DOCK3: variants seen among roughly 807,000 people sequenced by gnomAD.
The protein encoded by DOCK3 is dedicator of cytokinesis protein 3.
In DOCK3, 60 loss-of-function variants were observed where a neutral mutation model predicts 265.6. The ratio of observed to expected loss-of-function variants is 0.23; its 90% CI spans 0.18 to 0.28. DOCK3 has a LOEUF of 0.28. Ranked by LOEUF, DOCK3 falls within the 10% of genes least tolerant of loss-of-function variation. The probability of loss-of-function intolerance (pLI) is 1.00; values close to 1 mark genes in which losing one functional copy is unlikely to be tolerated. For synonymous variants in DOCK3, 881 were observed against 938.0 expected (o/e 0.94, Z 1.11); for missense variants, 1,981 against 2,594.3 (o/e 0.76, Z 5.14).
At chr3:50,913,623 C>G (rs1386930684) in intron 4 of DOCK3, among the ~76,000 whole-genome samples, 1 of 152,124 alleles carries the variant, frequency 6.6e-6, no homozygotes, top group Non-Finnish European at 1.5e-5. Flanking sequence ...CACCTTCCAA[C>G]CACTGGAATT....
intron 1 of DOCK3, among the ~76,000 whole-genome samples, chr3:50,739,217 C>G (rs559269911): frequency 6.6e-6 from 1 of 152,276 alleles, no homozygotes; most frequent in East Asian, 1.9e-4. Context: ...CTTAACTACT[C>G]TTTATATACC....
intron 10 of DOCK3, among the ~76,000 whole-genome samples, chr3:51,147,268 T>C (rs2085341449): frequency 1.3e-5 from 2 of 152,242 alleles, no homozygotes; most frequent in Non-Finnish European, 2.9e-5. Flanking sequence ...GTTAGTGAGT[T>C]CATATACAGC....
intron 3 of DOCK3, among the ~76,000 whole-genome samples, chr3:50,889,069 GTGTGTGTGTGT>G (rs2048503370): frequency 5.3e-5 from 2 of 37,902 alleles, no homozygotes; most frequent in Admixed American, 3.3e-4. Flanking sequence ...AGCCATGGGT[GTGTGTGTGTGT>G]GTGTGTGTGT....
chr3:50,925,030 T>C (rs758298661), intron 4 of DOCK3, among the ~76,000 whole-genome samples: 11 of 152,212 alleles, frequency 7.2e-5, no homozygotes, highest in Non-Finnish European at 1.3e-4. Context: ...GCTCAGACTT[T>C]CCTAAGTTAT....
At chr3:51,357,658 G>A in intron 44 of DOCK3, 100 bp from the exon 45 acceptor site, 3 of 1,140,442 alleles carry the variant, frequency 2.6e-6, no homozygotes, top group Non-Finnish European at 3.9e-6. Flanking sequence ...GAGACAGCCT[G>A]GCTGCTTTTT....
In DOCK3 at chr3:51,382,357, G is replaced by C. The variant is rs2088704023; in HGVS notation, c.*798G>C. ...GCAAGGGTTATCTCCCGCCCTCTGG[G>C]GTTTGAGTGGAGGTATGGAGCCAGA... is the stretch of plus-strand genomic sequence containing the variant. On this transcript the variant is annotated 3_prime_UTR_variant, in exon 53 of 53. Transcript: ENST00000266037. 1 of 152,526 alleles carries C rather than the reference G, an allele frequency of 6.6e-6. No individual in the cohort carries two copies. Among genetic ancestry groups the C allele is most frequent in the South Asian group, 2.1e-4 (1 of 4,832 alleles). The allele number at this position is 152,526 out of a possible 1,614,324, so 9.4% of individuals were successfully genotyped here.
intron 19 of DOCK3, among the ~76,000 whole-genome samples, chr3:51,230,209 A>C (rs1047763027): frequency 2.0e-4 from 31 of 152,206 alleles, no homozygotes; most frequent in African/African-American, 7.5e-4. Flanking sequence ...TTTGAGATAC[A>C]AATGATCTGA....
chr3:50,925,824 CTTTTTTTTTTTT>C (rs368819970), intron 4 of DOCK3, among the ~76,000 whole-genome samples: 9 of 88,424 alleles, frequency 1.0e-4, no homozygotes, highest in Non-Finnish European at 2.0e-4. Flanking sequence ...TAAAACTAGT[CTTTTTTTTTTTT>C]TTTTTTTTTT....
rs1553618139 is a variant in DOCK3, at chr3:51,380,212, T to C, written c.5583+5T>C. On this transcript the variant is annotated splice_donor_5th_base_variant and intron_variant, in intron 52 of 52. Coordinates refer to ENST00000266037, the MANE Select transcript of DOCK3 (RefSeq NM_004947.5). ...CCTGCCCGGACCCTGCGCAAGGTAA[T>C]GTACTGAAGCGGCAGCCCCACCAGG... 2.9e-6 allele frequency: 4 copies of C among 1,398,772 alleles called. No homozygotes were observed. The highest frequency in any genetic ancestry group is 1.8e-5 in the Admixed American group (1 of 55,968). The allele number at this position is 1,398,772 out of a possible 1,614,324, so 86.6% of individuals were successfully genotyped here. A position where few individuals can be genotyped will look rare whatever the true frequency, so the allele number is the denominator to read the frequency against.
At chr3:51,119,967 A>G (rs941014161) in intron 9 of DOCK3, among the ~76,000 whole-genome samples, 1 of 151,940 alleles carries the variant, frequency 6.6e-6, no homozygotes, top group African/African-American at 2.4e-5. Context: ...ACTTCTGTCA[A>G]TTCATCAGAC....
At chr3:51,186,128 A>G (rs2087585252) in intron 12 of DOCK3, among the ~76,000 whole-genome samples, 1 of 152,212 alleles carries the variant, frequency 6.6e-6, no homozygotes, top group Non-Finnish European at 1.5e-5. Context: ...CTTCCTGTAG[A>G]CTTGTTGAAT....
chr3:51,099,059 GT>G (rs1247261507), intron 9 of DOCK3, among the ~76,000 whole-genome samples: 1 of 152,172 alleles, frequency 6.6e-6, no homozygotes, highest in Non-Finnish European at 1.5e-5. Flanking sequence ...GCCCTGCTAA[GT>G]TTTTCATCAG....
intron 1 of DOCK3, among the ~76,000 whole-genome samples, chr3:50,681,416 T>C (rs2034402651): frequency 6.6e-6 from 1 of 152,202 alleles, no homozygotes; most frequent in East Asian, 1.9e-4. Flanking sequence ...ATTCCCAACA[T>C]GTAAGCATTA....
intron 1 of DOCK3, among the ~76,000 whole-genome samples, chr3:50,724,103 A>C (rs915322904): frequency 1.3e-5 from 2 of 152,248 alleles, no homozygotes; most frequent in Non-Finnish European, 2.9e-5. Flanking sequence ...AATCCTCATC[A>C]TCACTGGTCA....
At chr3:51,190,654 C>T (rs372201497) in intron 12 of DOCK3, among the ~76,000 whole-genome samples, 1 of 152,192 alleles carries the variant, frequency 6.6e-6, no homozygotes, top group Non-Finnish European at 1.5e-5. Flanking sequence ...AAGAGCACCA[C>T]CTGCTGTAGT....
In DOCK3 at chr3:50,828,737, G is replaced by A. The variant is rs1233979492; in HGVS notation, c.122-12938G>A. Among the ~76,000 whole-genome samples the A allele has an allele frequency of 4.1e-5, 6 of 147,198 alleles. No individual in the cohort carries two copies. In the East Asian group the frequency reaches 6.1e-4, roughly 15 times the overall value. On this transcript the variant is annotated intron_variant, in intron 2 of 52. Transcript: ENST00000266037. ...CTTTTCTTTTATTTTTTATTGAGAC[G>A]GAGTCTCACTCTGTCGCCCAGGCTG...
Position 50,784,412 on chromosome 3 carries a change from G to T in DOCK3, c.121+5654G>T, listed in dbSNP as rs185200837. 1.6e-3 allele frequency among the ~76,000 whole-genome samples: 243 copies of T among 152,238 alleles called. 1 individual carries two copies. The highest frequency in any genetic ancestry group is 4.6e-3 in the South Asian group (22 of 4,816). The stretch of plus-strand genomic sequence containing the variant: ...GTACCATGCTGTTTTGGTGACTATA[G>T]CCTTATAGTATGGTTTGAGGTAGGG... On this transcript the variant is annotated intron_variant, in intron 2 of 52. Transcript: ENST00000266037.
chr3:51,082,429 T>C (rs4244704), intron 7 of DOCK3, among the ~76,000 whole-genome samples: 137,158 of 152,194 alleles, frequency 0.9, 61,999 homozygotes, highest in African/African-American at 0.95. Flanking sequence ...CAGTGACTTA[T>C]ACCCTGGGGA....
intron 5 of DOCK3, among the ~76,000 whole-genome samples, chr3:51,012,374 C>A (rs1039106620): frequency 6.6e-6 from 1 of 152,196 alleles, no homozygotes; most frequent in Non-Finnish European, 1.5e-5. Flanking sequence ...AGCCTCACTG[C>A]CACCTTGCAG....
Sources: gnomAD v4.1 joint callset for allele counts (sites outside exome capture counted in the v4.1 genomes callset) on GRCh38, gnomAD v4.1.1 for gene constraint, MANE v1.5 for transcripts, NCBI Gene and HGNC (gene_info 2026-07-23, HGNC 2026-07-21) for gene names.